Variants in CDH9 observed in about 807,000 individuals in gnomAD.
CDH9 encodes cadherin-9.
A neutral mutation model predicts 70.9 loss-of-function variants in CDH9; 28 were observed. The ratio of observed to expected loss-of-function variants is 0.40; its 90% CI spans 0.29 to 0.54. The LOEUF (loss-of-function observed/expected upper bound fraction) is 0.54. Among genes scored for constraint, CDH9 ranks in the 20% least tolerant of loss-of-function variants. The pLI is 0.59. For missense variants in CDH9, 874 were observed against 984.4 expected, an observed-to-expected ratio of 0.89 and a Z score of 1.50; for synonymous variants, 409 against 343.1, an observed-to-expected ratio of 1.19 and a Z score of -2.12.
intron 2 of CDH9, among the ~76,000 whole-genome samples, chr5:26,936,723 C>A (rs1198820254): frequency 2.0e-5 from 3 of 152,038 alleles, no homozygotes; most frequent in South Asian, 2.1e-4. Context: ...GAATACAGAT[C>A]CCAGAAATAT....
At chr5:26,957,941 T>G (rs951392229) in intron 2 of CDH9, among the ~76,000 whole-genome samples, 2 of 152,198 alleles carry the variant, frequency 1.3e-5, no homozygotes, top group Non-Finnish European at 2.9e-5. Context: ...GCAAACAAAG[T>G]TAGTCTCCCA....
At chr5:26,929,781 C>A (rs914256604) in intron 2 of CDH9, among the ~76,000 whole-genome samples, 1 of 151,924 alleles carries the variant, frequency 6.6e-6, no homozygotes, top group Non-Finnish European at 1.5e-5. Context: ...TTTGTTAGAT[C>A]TCTAAATTAA....
intron 1 of CDH9, among the ~76,000 whole-genome samples, chr5:27,020,787 A>G (rs1743126210): frequency 6.6e-6 from 1 of 151,284 alleles, no homozygotes; most frequent in Admixed American, 6.6e-5. Context: ...ATACATTTTA[A>G]GGTTATTCTT....
At chr5:26,981,837 C>T (rs1385288264) in intron 2 of CDH9, among the ~76,000 whole-genome samples, 1 of 151,694 alleles carries the variant, frequency 6.6e-6, no homozygotes, top group Non-Finnish European at 1.5e-5. Context: ...AGACAACTTA[C>T]CCTTGTCTTA....
intron 1 of CDH9, among the ~76,000 whole-genome samples, chr5:27,012,712 A>T (rs535126261): frequency 6.6e-6 from 1 of 152,198 alleles, no homozygotes; most frequent in African/African-American, 2.4e-5. Flanking sequence ...TTCAAAGTGT[A>T]AAAATGTACT....
At chr5:26,882,646 A>T (rs2111962999) in intron 11 of CDH9, among the ~76,000 whole-genome samples, 1 of 152,152 alleles carries the variant, frequency 6.6e-6, no homozygotes, top group African/African-American at 2.4e-5. Flanking sequence ...TGAGAATAAA[A>T]CCAAGAAAAT....
chr5:26,934,184 G>A (rs541560121), intron 2 of CDH9, among the ~76,000 whole-genome samples: 1 of 152,214 alleles, frequency 6.6e-6, no homozygotes, highest in African/African-American at 2.4e-5. Context: ...AAGAGCTCAA[G>A]GCCAGGTGTG....
chr5:26,925,307 G>A (rs1561197104), intron 2 of CDH9, among the ~76,000 whole-genome samples: 1 of 152,124 alleles, frequency 6.6e-6, no homozygotes, highest in African/African-American at 2.4e-5. Flanking sequence ...CAGTGATGAT[G>A]AGCATTTTTT....
At chr5:26,913,835 G>C (rs1193924438) in intron 3 of CDH9, among the ~76,000 whole-genome samples, 1 of 150,614 alleles carries the variant, frequency 6.6e-6, no homozygotes, top group Non-Finnish European at 1.5e-5. Flanking sequence ...AATATTAATA[G>C]AACCTAGTTG....
At chr5:26,923,028 T>C (rs1307299378) in intron 2 of CDH9, among the ~76,000 whole-genome samples, 1 of 146,570 alleles carries the variant, frequency 6.8e-6, no homozygotes. Context: ...ATGTAAATGG[T>C]TTAAACCCTC....
rs1460812109 is a variant in CDH9, at chr5:26,881,332, G to C, written c.2174C>G (p.Ala725Gly). The part of the protein sequence containing the change: ...FIHRRLKEND[A>G]DPSAPPYDSL... ...ATCATATGGAGGTGCACTTGGGTCTGCGTCGTTTTCTTTTAATCTTCGATG... is the reference window on the plus strand; with the variant it reads ...ATCATATGGAGGTGCACTTGGGTCTCCGTCGTTTTCTTTTAATCTTCGATG... The change falls in exon 12 of 12, where the codon GCA (alanine) becomes GGA (glycine). Residue 725 changes from alanine to glycine, a missense_variant. Physicochemically the swap from Ala to Gly is moderately conservative, Grantham distance 60 (BLOSUM62 0). Coordinates refer to ENST00000231021, the MANE Select transcript of CDH9 (RefSeq NM_016279.4). 14 of 1,613,190 alleles carry C rather than the reference G, an allele frequency of 8.7e-6. No individual in the cohort carries two copies. The highest frequency in any genetic ancestry group is 1.7e-5 in the Admixed American group (1 of 59,888).
intron 1 of CDH9, among the ~76,000 whole-genome samples, chr5:27,005,528 C>T (rs1236122722): frequency 2.0e-5 from 3 of 152,008 alleles, no homozygotes; most frequent in Admixed American, 1.3e-4. Flanking sequence ...CAGATGCTGA[C>T]GAGGTCGTGG....
chr5:26,937,959 C>T (rs1182903390), intron 2 of CDH9, among the ~76,000 whole-genome samples: 1 of 151,976 alleles, frequency 6.6e-6, no homozygotes, highest in African/African-American at 2.4e-5. Context: ...CAAAAATGAA[C>T]CCCGATGGGA....
At chr5:26,951,515 G>A (rs1415391211) in intron 2 of CDH9, among the ~76,000 whole-genome samples, 5 of 151,990 alleles carry the variant, frequency 3.3e-5, no homozygotes, top group African/African-American at 9.7e-5. Context: ...CGTCGCATAA[G>A]CTATATAAGT....
Position 26,905,949 on chromosome 5 carries a change from C to T in CDH9, c.811+10G>A. ...GTTTTTGGACATGAGATCACTGAAA[C>T]ATTTCTTACTCTGGGGAAATCGAGG... On this transcript the variant is annotated intron_variant, in intron 5 of 11. Coordinates refer to ENST00000231021, the MANE Select transcript of CDH9 (RefSeq NM_016279.4). 1 of 1,608,940 alleles carries T rather than the reference C, an allele frequency of 6.2e-7. No individual in the cohort carries two copies. Among genetic ancestry groups the T allele is most frequent in the Non-Finnish European group, 8.5e-7 (1 of 1,175,982 alleles).
chr5:26,920,309 AT>A (rs746198460), intron 2 of CDH9, among the ~76,000 whole-genome samples: 1 of 151,234 alleles, frequency 6.6e-6, no homozygotes, highest in African/African-American at 2.4e-5. Context: ...AGACTGAGGG[AT>A]TTTTTCATGT....
At chr5:26,906,192 G>A (rs1278115737) in intron 4 of CDH9, 66 bp from the exon 5 acceptor site, 20 of 1,374,616 alleles carry the variant, frequency 1.5e-5, no homozygotes, top group Non-Finnish European at 2.0e-5. Context: ...AGCTAGACAA[G>A]ACTCATTTTA....
At chr5:26,970,544 G>C (rs757186149) in intron 2 of CDH9, among the ~76,000 whole-genome samples, 22 of 152,122 alleles carry the variant, frequency 1.4e-4, no homozygotes, top group Non-Finnish European at 2.8e-4. Flanking sequence ...TCATGATCAA[G>C]CTTTTTTGTT....
Position 26,988,312 on chromosome 5 carries a change from G to A in CDH9, c.22C>T (p.Pro8Ser). ...AACATATAGGTCCAGATGAATAATG[G>A]TATATAATGGTAAGTCCTCATTATC... is the stretch of plus-strand genomic sequence containing the variant. MRTYHYI[P>S]LFIWTYMFHT... Residue 8 changes from proline (P) to serine (S), a missense_variant, in exon 2 of 12, where the codon CCA (proline) becomes TCA (serine). Coordinates refer to ENST00000231021, the MANE Select transcript of CDH9 (RefSeq NM_016279.4). The A allele has an allele frequency of 5.0e-6, 8 of 1,612,754 alleles. No individual in the cohort carries two copies. The highest frequency in any genetic ancestry group is 6.8e-6 in the Non-Finnish European group (8 of 1,179,136).
Sources: gnomAD v4.1 joint callset for allele counts (sites outside exome capture counted in the v4.1 genomes callset) on GRCh38, gnomAD v4.1.1 for gene constraint, MANE v1.5 for transcripts, NCBI Gene and HGNC (gene_info 2026-07-23, HGNC 2026-07-21) for gene names.